MBD5: variants seen among roughly 807,000 people sequenced by gnomAD.
MBD5 encodes methyl-CpG-binding domain protein 5.
MBD5 carries 13 observed loss-of-function variants against 117.3 expected under a neutral mutation model. The observed-to-expected ratio is 0.11, with a 90% CI of 0.07 to 0.18. The LOEUF (loss-of-function observed/expected upper bound fraction) is 0.18. Ranked by LOEUF, MBD5 falls within the 10% of genes least tolerant of loss-of-function variation. The pLI, the probability that MBD5 is intolerant of heterozygous loss-of-function variation, is 1.00. For missense variants in MBD5, 1,879 were observed against 2,093.8 expected (o/e 0.90, Z 2.00); for synonymous variants, 727 against 766.4 (o/e 0.95, Z 0.85).
intron 3 of MBD5, among the ~76,000 whole-genome samples, chr2:148,291,960 TGAGGGAAAA>T (rs1156804197): frequency 6.6e-5 from 10 of 152,152 alleles, no homozygotes; most frequent in African/African-American, 2.4e-4. Flanking sequence ...AAGCATACGC[TGAGGGAAAA>T]GAGTCTTTTC....
intron 2 of MBD5, among the ~76,000 whole-genome samples, chr2:148,199,189 G>C (rs1311259644): frequency 6.6e-6 from 1 of 152,046 alleles, no homozygotes; most frequent in Non-Finnish European, 1.5e-5. Flanking sequence ...TGCTCTTAAG[G>C]CCTTTCAACT....
At chr2:148,070,345 A>AT (rs1347199579) in intron 1 of MBD5, among the ~76,000 whole-genome samples, 2 of 152,154 alleles carry the variant, frequency 1.3e-5, no homozygotes, top group African/African-American at 4.8e-5. Flanking sequence ...ACATTTAGTG[A>AT]TTTGATATTG....
intron 4 of MBD5, among the ~76,000 whole-genome samples, chr2:148,382,737 G>C (rs1227377940): frequency 2.6e-5 from 4 of 152,178 alleles, no homozygotes; most frequent in Non-Finnish European, 4.4e-5. Flanking sequence ...TAAAAGAACA[G>C]AGATTATAAC....
At chr2:148,064,392 GGC>G (rs141560032) in intron 1 of MBD5, among the ~76,000 whole-genome samples, 374 of 152,206 alleles carry the variant, frequency 2.5e-3, no homozygotes, top group African/African-American at 8.4e-3. Context: ...TGGGACCACA[GGC>G]GTGAGCCACC....
At chr2:148,092,943 A>G (rs1695979889) in intron 1 of MBD5, among the ~76,000 whole-genome samples, 1 of 150,818 alleles carries the variant, frequency 6.6e-6, no homozygotes, top group Admixed American at 6.6e-5. Context: ...TTTTTGACGG[A>G]GTATCGCCCT....
intron 1 of MBD5, among the ~76,000 whole-genome samples, chr2:148,067,339 C>T (rs893241521): frequency 3.9e-5 from 6 of 152,062 alleles, no homozygotes; most frequent in Admixed American, 6.5e-5. Context: ...ATAATAACTA[C>T]GATATTTTTG....
intron 1 of MBD5, among the ~76,000 whole-genome samples, chr2:148,066,947 T>A (rs1695213783): frequency 1.3e-5 from 2 of 152,240 alleles, no homozygotes; most frequent in African/African-American, 4.8e-5. Flanking sequence ...GTACTCTCTG[T>A]CATTGTATTA....
intron 4 of MBD5, among the ~76,000 whole-genome samples, chr2:148,369,680 C>G (rs1703799780): frequency 6.6e-6 from 1 of 151,948 alleles, no homozygotes; most frequent in Non-Finnish European, 1.5e-5. Context: ...TGTTGTAATA[C>G]TTTTTGTTGT....
rs761951720 is a variant in MBD5 at position 148,238,228 on chromosome 2, A to G, written c.-680+4833A>G. 8.5e-5 allele frequency among the ~76,000 whole-genome samples: 13 copies of G among 152,338 alleles called. No individual in the cohort carries two copies. The South Asian group carries it at 1.2e-3, about 15-fold the overall frequency. On this transcript the variant is annotated intron_variant, in intron 3 of 13. Transcript: ENST00000642680. ...TGTCCAAACAAGCAGTTTAGAGTTC[A>G]TGTTTAAAAATATGAAAATGTGATT...
At position 148,490,185 on chromosome 2, in the gene MBD5, A is replaced by C; in HGVS notation, c.4553A>C (p.Glu1518Ala). ...AAGGAGAGACTAGAGAACACTGTGG[A>C]AAGATGTGCACACATAAATGGGAAT... is the stretch of plus-strand genomic sequence containing the variant. ...SFKERLENTV[E>A]RCAHINGNRP... is the part of the protein sequence containing the mutation. The change falls in exon 11 of 14, where the codon GAA becomes GCA. Residue 1518 changes from glutamate (E) to alanine (A), a missense_variant. Transcript: ENST00000642680. The C allele has an allele frequency of 6.2e-7, 1 of 1,614,154 alleles. No homozygotes were observed. The highest frequency in any genetic ancestry group is 1.6e-4 in the Middle Eastern group (1 of 6,062).
chr2:148,408,508 T>C (rs530282305), intron 4 of MBD5, among the ~76,000 whole-genome samples: 73 of 152,304 alleles, frequency 4.8e-4, no homozygotes, highest in African/African-American at 1.7e-3. Context: ...AATCTTGGAT[T>C]ATAATCTATA....
intron 4 of MBD5, among the ~76,000 whole-genome samples, chr2:148,377,707 A>G (rs1048423564): frequency 5.3e-5 from 8 of 152,210 alleles, no homozygotes; most frequent in Admixed American, 5.2e-4. Flanking sequence ...GGAGGCCTTC[A>G]ATAATTCACT....
At chr2:148,425,531 T>C (rs1705751136) in intron 4 of MBD5, among the ~76,000 whole-genome samples, 1 of 152,064 alleles carries the variant, frequency 6.6e-6, no homozygotes, top group African/African-American at 2.4e-5. Context: ...CCCTAACTCA[T>C]TTTATGAGGC....
chr2:148,322,608 T>C (rs943274496), intron 3 of MBD5, among the ~76,000 whole-genome samples: 12 of 152,134 alleles, frequency 7.9e-5, no homozygotes, highest in Non-Finnish European at 4.4e-5. Context: ...TATTTGACTT[T>C]CTCAGTGGCA....
At chr2:148,262,140 T>C (rs912138044) in intron 3 of MBD5, among the ~76,000 whole-genome samples, 9 of 150,408 alleles carry the variant, frequency 6.0e-5, no homozygotes, top group African/African-American at 1.9e-4. Flanking sequence ...AGACATGAAG[T>C]GAGCACATGC....
At chr2:148,377,062 C>A (rs550945638) in intron 4 of MBD5, among the ~76,000 whole-genome samples, 6 of 150,748 alleles carry the variant, frequency 4.0e-5, no homozygotes, top group Non-Finnish European at 8.8e-5. Context: ...CCTATTAGTT[C>A]TCTCCCTATA....
intron 1 of MBD5, among the ~76,000 whole-genome samples, chr2:148,112,617 A>C (rs1032454967): frequency 3.9e-5 from 6 of 152,192 alleles, no homozygotes; most frequent in African/African-American, 1.4e-4. Flanking sequence ...TTCTTCTCCC[A>C]ACAAATTTAG....
intron 1 of MBD5, among the ~76,000 whole-genome samples, chr2:148,064,128 C>CTT (rs35256354): frequency 1.7e-4 from 13 of 78,124 alleles, no homozygotes; most frequent in African/African-American, 4.4e-4. Context: ...TGTCTTTTTT[C>CTT]TTTTTTTTTT....
intron 4 of MBD5, among the ~76,000 whole-genome samples, chr2:148,418,511 A>G (rs770849664): frequency 6.6e-6 from 1 of 152,228 alleles, no homozygotes; most frequent in Non-Finnish European, 1.5e-5. Context: ...GATTTAAAAA[A>G]TGTATTTAGC....
Sources: allele counts gnomAD v4.1 joint callset (sites outside exome capture counted in the v4.1 genomes callset), GRCh38; gene constraint gnomAD v4.1.1; transcripts MANE v1.5; gene names NCBI Gene and HGNC (gene_info 2026-07-23, HGNC 2026-07-21).